Variants in PTK2B observed in about 807,000 individuals in gnomAD.
PTK2B encodes the protein protein-tyrosine kinase 2-beta.
A neutral mutation model predicts 142.9 loss-of-function variants in PTK2B; 71 were observed. That is an observed-to-expected ratio of 0.50 (90% CI 0.41 to 0.61). The LOEUF (loss-of-function observed/expected upper bound fraction) is 0.61. Ranked by LOEUF, PTK2B falls within the 20% of genes least tolerant of loss-of-function variation. The pLI is 0.00. For synonymous variants in PTK2B, 519 were observed against 503.4 expected, an observed-to-expected ratio of 1.03 and a Z score of -0.42; for missense variants, 1,105 against 1,320.4, an observed-to-expected ratio of 0.84 and a Z score of 2.53.
At chr8:27,440,540 A>G in intron 21 of PTK2B, 99 bp downstream of exon 21, 1 of 1,390,940 alleles carries the variant, frequency 7.2e-7, no homozygotes, top group Non-Finnish European at 9.9e-7. Context: ...TCCCTAAAGA[A>G]GACGGGCCAG....
intron 2 of PTK2B, among the ~76,000 whole-genome samples, chr8:27,412,589 C>A (rs749268900): frequency 6.6e-5 from 10 of 152,138 alleles, no homozygotes; most frequent in Non-Finnish European, 8.8e-5. Context: ...TGGTAAGAAT[C>A]TGCCCAGCAC....
intron 1 of PTK2B, among the ~76,000 whole-genome samples, chr8:27,334,711 C>A (rs896431717): frequency 6.6e-6 from 1 of 152,190 alleles, no homozygotes; most frequent in Non-Finnish European, 1.5e-5. Context: ...CTGGCTCACA[C>A]GGAGTGAGCC....
Position 27,450,841 on chromosome 8 carries a change from G to T in PTK2B, c.2433G>T (p.Gln811His). 6.2e-7 allele frequency: 1 copy of T among 1,614,218 alleles called. No homozygotes were observed. Among genetic ancestry groups the T allele is most frequent in the East Asian group, 2.2e-5 (1 of 44,886 alleles). Reference protein sequence around the residue: ...KVKMRQILDKQQKQMVEDYQW... With the variant: ...KVKMRQILDKHQKQMVEDYQW... ...AAATGCGGCAAATCCTGGACAAACA[G>T]CAGAAGCAGATGGTGGAGGACTACC... Residue 811 changes from glutamine to histidine, a missense_variant, in exon 25 of 31, where the codon CAG becomes CAT. Physicochemically the swap from Gln to His is conservative, Grantham distance 24. Transcript: ENST00000346049.
intron 1 of PTK2B, among the ~76,000 whole-genome samples, chr8:27,357,210 A>G (rs780131173): frequency 6.6e-6 from 1 of 152,256 alleles, no homozygotes; most frequent in South Asian, 2.1e-4. Flanking sequence ...TCAGGACTCT[A>G]TGTGCTATTT....
At chr8:27,444,888 A>G (rs953779192) in intron 23 of PTK2B, among the ~76,000 whole-genome samples, 1 of 152,156 alleles carries the variant, frequency 6.6e-6, no homozygotes, top group Non-Finnish European at 1.5e-5. Flanking sequence ...AATAATGTCC[A>G]TTTAGTTGGT....
At chr8:27,310,801 C>G (rs557664219), upstream of PTK2B, 175 of 1,583,184 alleles carry the variant, frequency 1.1e-4, 1 homozygote, top group South Asian at 2.0e-3. Context: ...CTGCTCTTAC[C>G]CGAAAGTCGT....
Position 27,454,262 on chromosome 8 carries a change from C to A in PTK2B, c.2704C>A (p.Pro902Thr), listed in dbSNP as rs771040667. ...GCTCAAGAATGAGCTCTGTCAGCTG[C>A]CCCCCGAGGGCTACGTGGTGGTGGT... ...LELKNELCQL[P>T]PEGYVVVVKN... Residue 902 changes from proline (P) to threonine (T), a missense_variant, in exon 29 of 31, where the codon CCC (proline) becomes ACC (threonine). Transcript: ENST00000346049. 2 of 1,613,822 alleles carry A rather than the reference C, an allele frequency of 1.2e-6. No individual in the cohort carries two copies. Among genetic ancestry groups the A allele is most frequent in the Non-Finnish European group, 1.7e-6 (2 of 1,179,956 alleles).
At chr8:27,349,978 G>A (rs762840270) in intron 1 of PTK2B, among the ~76,000 whole-genome samples, 9 of 152,154 alleles carry the variant, frequency 5.9e-5, no homozygotes, top group Non-Finnish European at 1.2e-4. Flanking sequence ...AAGGTGGCTG[G>A]TTATCACCCG....
At chr8:27,378,604 T>TGTGC (rs1806815245) in intron 1 of PTK2B, among the ~76,000 whole-genome samples, 1 of 8,818 alleles carries the variant, frequency 1.1e-4, no homozygotes, top group Admixed American at 7.3e-4. Context: ...AGCTTATCTG[T>TGTGC]GTGTGTGTGT....
At position 27,458,908 on chromosome 8, in the gene PTK2B, C is replaced by T. The variant is rs960963344; in HGVS notation, c.*399C>T. On this transcript the variant is annotated 3_prime_UTR_variant, in exon 31 of 31. Transcript: ENST00000346049. The stretch of plus-strand genomic sequence containing the variant: ...TTCCTTTCCCTTCCTCTTCGGCCCT[C>T]AGATGTCCCTTGATGCACAGAGAAG... 2.9e-6 allele frequency: 1 copy of T among 347,982 alleles called. No individual in the cohort carries two copies. The highest frequency in any genetic ancestry group is 5.4e-6 in the Non-Finnish European group (1 of 186,516). 21.6% of individuals were successfully genotyped at this position (347,982 alleles called of 1,614,324 possible). A position where few individuals can be genotyped will look rare whatever the true frequency, so the allele number is the denominator to read the frequency against.
intron 1 of PTK2B, among the ~76,000 whole-genome samples, chr8:27,395,368 C>T (rs1266373819): frequency 6.6e-6 from 1 of 152,164 alleles, no homozygotes; most frequent in Non-Finnish European, 1.5e-5. Context: ...ATATGCGGTC[C>T]ACCATTGCCT....
chr8:27,395,185 C>T (rs958509152), intron 1 of PTK2B, among the ~76,000 whole-genome samples: 1 of 152,108 alleles, frequency 6.6e-6, no homozygotes, highest in African/African-American at 2.4e-5. Context: ...ATGTACCACC[C>T]GTAATTGTAT....
chr8:27,328,215 G>A lies in PTK2B; in HGVS notation c.-38+2534G>A, dbSNP rs906104899. On this transcript the variant is annotated intron_variant, in intron 1 of 30. Transcript: ENST00000346049. Reference sequence around the variant, plus strand: ...GAATTAACTGAAGGGAAATGTGAATGAATTAAAGTAGAGAATCCAGATAAA... The same window carrying A: ...GAATTAACTGAAGGGAAATGTGAATAAATTAAAGTAGAGAATCCAGATAAA... Among the ~76,000 whole-genome samples, 11 of 152,226 alleles carry A rather than the reference G, an allele frequency of 7.2e-5. 1 individual carries two copies. Among genetic ancestry groups the A allele is most frequent in the South Asian group, 2.1e-4 (1 of 4,830 alleles).
chr8:27,351,360 A>G (rs1805079766), intron 1 of PTK2B, among the ~76,000 whole-genome samples: 2 of 152,002 alleles, frequency 1.3e-5, no homozygotes, highest in African/African-American at 4.8e-5. Context: ...CGGGTGAGAA[A>G]ATGGTCTCCA....
At chr8:27,426,813 C>T (rs1424635521) in intron 5 of PTK2B, among the ~76,000 whole-genome samples, 1 of 152,158 alleles carries the variant, frequency 6.6e-6, no homozygotes, top group Non-Finnish European at 1.5e-5. Context: ...AAACATTTTT[C>T]CATTCACTAC....
At chr8:27,438,133 A>G in intron 18 of PTK2B, 1 of 425,654 alleles carries the variant, frequency 2.3e-6, no homozygotes, top group South Asian at 3.0e-5. Context: ...ATATATCAAG[A>G]CCTTCTAGCC....
intron 1 of PTK2B, among the ~76,000 whole-genome samples, chr8:27,333,634 C>G (rs903594702): frequency 8.5e-5 from 13 of 152,184 alleles, no homozygotes; most frequent in Non-Finnish European, 5.9e-5. Context: ...GAGAAACCCA[C>G]CATTCCTCTT....
intron 3 of PTK2B, among the ~76,000 whole-genome samples, chr8:27,313,707 A>G (rs1803033221): frequency 6.6e-6 from 1 of 152,180 alleles, no homozygotes; most frequent in Admixed American, 6.5e-5. Context: ...ATGCCCCCGG[A>G]AGGTCATACT....
At chr8:27,334,287 A>G (rs184640805) in intron 1 of PTK2B, among the ~76,000 whole-genome samples, 3 of 152,248 alleles carry the variant, frequency 2.0e-5, no homozygotes, top group African/African-American at 7.2e-5. Context: ...TTTACCATTC[A>G]GTGCCTCCCA....
Sources: allele counts gnomAD v4.1 joint callset (sites outside exome capture counted in the v4.1 genomes callset), GRCh38; gene constraint gnomAD v4.1.1; transcripts MANE v1.5; gene names NCBI Gene and HGNC (gene_info 2026-07-23, HGNC 2026-07-21).